ZNF814: variants seen among roughly 807,000 people sequenced by gnomAD.
The protein encoded by ZNF814 is zinc finger protein 814.
Under a neutral mutation model 7.5 loss-of-function variants are expected in ZNF814, and 5 were observed. The ratio of observed to expected loss-of-function variants is 0.67; its 90% CI spans 0.35 to 1.40. The LOEUF (loss-of-function observed/expected upper bound fraction) is 1.40. Among genes scored for constraint, ZNF814 ranks in the 40% most tolerant of loss-of-function variants. The probability of loss-of-function intolerance (pLI) is 0.04; values close to 1 mark genes in which losing one functional copy is unlikely to be tolerated. For synonymous variants in ZNF814, 315 were observed against 340.7 expected, an observed-to-expected ratio of 0.92 and a Z score of 0.83; for missense variants, 962 against 1,018.0, an observed-to-expected ratio of 0.94 and a Z score of 0.75.
At chr19:57,888,696 C>T (rs1169836573) in intron 1 of ZNF814, 71 bp downstream of exon 1, 3 of 1,532,662 alleles carry the variant, frequency 2.0e-6, no homozygotes, top group Non-Finnish European at 2.7e-6. Flanking sequence ...GAGCCGTGAA[C>T]AGGCGCTGCT....
In ZNF814 at chr19:57,873,019, T is replaced by G; in HGVS notation, c.2371A>C (p.Lys791Gln). ...FAESSSFTKH[K>Q]RVHTGEKPYE... ...GGCTTTTCTCCAGTGTGAACTCTTT[T>G]GTGTTTTGTGAAACTGGAGCTTTCA... is the stretch of plus-strand genomic sequence containing the variant. The change falls in exon 3 of 3, where the codon AAA (lysine) becomes CAA (glutamine). Residue 791 changes from lysine (K) to glutamine (Q), a missense_variant. Physicochemically the swap from Lys to Gln is moderately conservative, Grantham distance 53 (BLOSUM62 1). Transcript: ENST00000435989. The G allele has an allele frequency of 6.2e-7, 1 of 1,613,728 alleles. No individual in the cohort carries two copies. The highest frequency in any genetic ancestry group is 8.5e-7 in the Non-Finnish European group (1 of 1,179,840).
rs1446027187 is a variant in ZNF814 at position 57,873,480 on chromosome 19, C to A, written c.1910G>T (p.Cys637Phe). The change falls in exon 3 of 3, where the codon TGT (cysteine) becomes TTT (phenylalanine). Residue 637 changes from cysteine (C) to phenylalanine (F), a missense_variant. By Grantham distance (205) the Cys-to-Phe change is radical (BLOSUM62 -2). This residue lies in a region of ZNF814 where 665 missense variants were observed against 551.4 expected (regional missense o/e 1.21). Transcript: ENST00000435989. ...TGERPYKCGD[C>F]GKSFNEKGHL... Reference sequence around the variant, plus strand: ...TCCTTTTTCATTAAAAGATTTCCCACAGTCTCCACACTTGTAAGGTCTTTC... The same window carrying A: ...TCCTTTTTCATTAAAAGATTTCCCAAAGTCTCCACACTTGTAAGGTCTTTC... The A allele has an allele frequency of 1.2e-6, 2 of 1,614,062 alleles. No homozygotes were observed. Among genetic ancestry groups the A allele is most frequent in the African/African-American group, 2.7e-5 (2 of 74,924 alleles).
rs188401331 is a variant in ZNF814 at position 57,870,276 on chromosome 19, A to T, written c.*2546T>A. 1.3e-5 allele frequency: 2 copies of T among 152,314 alleles called. No homozygotes were observed. Among genetic ancestry groups the T allele is most frequent in the East Asian group, 1.9e-4 (1 of 5,186 alleles). The allele number at this position is 152,314 out of a possible 1,614,324, so 9.4% of individuals were successfully genotyped here. On this transcript the variant is annotated 3_prime_UTR_variant, in exon 3 of 3. Coordinates refer to ENST00000435989, the MANE Select transcript of ZNF814 (RefSeq NM_001144989.2). ...ATAATAATAATAATTAAAAAAATGC[A>T]GTTCAAAAGAAAAATATAGATTTAC...
chr19:57,882,984 A>G (rs1423858142), intron 1 of ZNF814, among the ~76,000 whole-genome samples: 1 of 152,248 alleles, frequency 6.6e-6, no homozygotes, highest in Non-Finnish European at 1.5e-5. Context: ...CAAGATAGCT[A>G]TTTTGAGGAA....
chr19:57,877,373 T>C (rs1263327771), intron 1 of ZNF814, among the ~76,000 whole-genome samples: 1 of 152,176 alleles, frequency 6.6e-6, no homozygotes, highest in Non-Finnish European at 1.5e-5. Context: ...GTACATTCCA[T>C]GTCCATCCCC....
chr19:57,874,746 C>T lies in ZNF814; in HGVS notation c.644G>A (p.Ser215Asn), dbSNP rs775899545. 6.2e-7 allele frequency: 1 copy of T among 1,612,158 alleles called. No homozygotes were observed. Among genetic ancestry groups the T allele is most frequent in the Non-Finnish European group, 8.5e-7 (1 of 1,179,002 alleles). The change falls in exon 3 of 3, where the codon AGC (serine) becomes AAC (asparagine). Residue 215 changes from serine to asparagine, a missense_variant. Ser to Asn is a conservative substitution (Grantham distance 46). Around this residue, in one of 7 missense-constraint regions of ZNF814, gnomAD observed 126 missense variants for 123.5 expected, o/e 1.02. Transcript: ENST00000435989. ...AAAATGTTTCATGGATTCTCCACAG[C>T]TGTAGTGAGCTCCCCCACACTGAAT... ...SPIQCGGAHY[S>N]CGESMKHFST... is the part of the protein sequence containing the mutation.
the ZNF814 span, among the ~76,000 whole-genome samples, chr19:57,902,746 T>C: frequency 2.0e-5 from 3 of 151,938 alleles, no homozygotes; most frequent in Non-Finnish European, 2.9e-5. Flanking sequence ...CTGCACGCTC[T>C]GCCTCCCTGG....
chr19:57,878,910 C>T (rs892472807), intron 1 of ZNF814, among the ~76,000 whole-genome samples: 1 of 151,508 alleles, frequency 6.6e-6, no homozygotes, highest in Non-Finnish European at 1.5e-5. Context: ...TACATACATG[C>T]ACACACACAC....
In ZNF814 at chr19:57,873,706, T is replaced by A. The variant is rs1163304580; in HGVS notation, c.1684A>T (p.Thr562Ser). ...ECGKSFSHKG[T>S]LILHQRVHPR... Reference sequence around the variant, plus strand: ...TGAACTCGCTGATGTAGAATGAGGGTGCCTTTATGACTAAAAGATTTCCCA... The same window carrying A: ...TGAACTCGCTGATGTAGAATGAGGGAGCCTTTATGACTAAAAGATTTCCCA... The change falls in exon 3 of 3, where the codon ACC becomes TCC. Residue 562 changes from threonine to serine, a missense_variant. This residue lies in a region of ZNF814 where 665 missense variants were observed against 551.4 expected (regional missense o/e 1.21). Transcript: ENST00000435989. 2 of 1,613,270 alleles carry A rather than the reference T, an allele frequency of 1.2e-6. No individual in the cohort carries two copies. The highest frequency in any genetic ancestry group is 1.7e-6 in the Non-Finnish European group (2 of 1,179,716).
chr19:57,884,793 C>T (rs577431064), intron 1 of ZNF814, among the ~76,000 whole-genome samples: 2 of 152,256 alleles, frequency 1.3e-5, no homozygotes, highest in South Asian at 4.1e-4. Flanking sequence ...AAGGACCTCT[C>T]GTACACTGTT....
At chr19:57,875,356 A>G in intron 2 of ZNF814, 130 bp from the exon 3 acceptor site, 4 of 1,585,382 alleles carry the variant, frequency 2.5e-6, no homozygotes, top group Admixed American at 1.8e-5. Context: ...TGTTGGCTTC[A>G]GGCGGAAGAT....
upstream of ZNF814, among the ~76,000 whole-genome samples, chr19:57,891,915 G>A (rs569760708): frequency 1.4e-4 from 21 of 152,032 alleles, no homozygotes; most frequent in Admixed American, 5.2e-4. Flanking sequence ...CACTATGCCC[G>A]GCTAACTTTT....
upstream of ZNF814, among the ~76,000 whole-genome samples, chr19:57,889,890 A>C (rs7247757): frequency 6.6e-6 from 1 of 152,050 alleles, no homozygotes; most frequent in African/African-American, 2.4e-5. Flanking sequence ...TAAAAATAAA[A>C]AAATAAATAA....
Position 57,869,905 on chromosome 19 carries a change from A to AC in ZNF814, c.*2916dup, listed in dbSNP as rs2071541839. On this transcript the variant is annotated 3_prime_UTR_variant, in exon 3 of 3. Transcript: ENST00000435989. ...GGTTGCAATGAGCCAAGGTCATGCC[A>AC]CTGCACTCCAGCCTGGCTGACAGTG... The AC allele has an allele frequency of 6.8e-6, 1 of 148,048 alleles. No homozygotes were observed. Among genetic ancestry groups the AC allele is most frequent in the East Asian group, 2.0e-4 (1 of 5,082 alleles). 9.2% of individuals were successfully genotyped at this position (148,048 alleles called of 1,614,324 possible).
chr19:57,899,638 G>A, the ZNF814 span, among the ~76,000 whole-genome samples: 1 of 152,144 alleles, frequency 6.6e-6, no homozygotes, highest in Non-Finnish European at 1.5e-5. Context: ...CCTGTCCAAA[G>A]AGGCATTAGG....
chr19:57,880,065 C>T (rs532883655), intron 1 of ZNF814, among the ~76,000 whole-genome samples: 353 of 118,970 alleles, frequency 3.0e-3, no homozygotes, highest in Non-Finnish European at 5.0e-3. Context: ...CTACTGCACT[C>T]CAGCCTGGTG....
intron 1 of ZNF814, among the ~76,000 whole-genome samples, chr19:57,887,299 G>C (rs1427134675): frequency 6.6e-6 from 1 of 152,194 alleles, no homozygotes; most frequent in Non-Finnish European, 1.5e-5. Flanking sequence ...AACTGTAAAA[G>C]ATTAGGCCTT....
chr19:57,883,089 TGGC>T (rs2071661197), intron 1 of ZNF814, among the ~76,000 whole-genome samples: 1 of 151,994 alleles, frequency 6.6e-6, no homozygotes, highest in African/African-American at 2.4e-5. Flanking sequence ...CCGGGTGTGG[TGGC>T]TCACACCTGT....
In ZNF814 at chr19:57,874,004, T is replaced by C; in HGVS notation, c.1386A>G (p.Arg462=). Residue 462 remains arginine (R), a synonymous_variant, in exon 3 of 3, where the codon AGA becomes AGG. Coordinates refer to ENST00000435989, the MANE Select transcript of ZNF814 (RefSeq NM_001144989.2). The part of the protein sequence containing the change: ...RSHQRVHAGE[R]PFKCGECVKS... ...TCACACATTCTCCACACTTGAAAGG[T>C]CTTTCTCCGGCGTGAACTCGTTGAT... The C allele has an allele frequency of 6.2e-7, 1 of 1,613,948 alleles. No individual in the cohort carries two copies. Among genetic ancestry groups the C allele is most frequent in the South Asian group, 1.1e-5 (1 of 91,056 alleles).
Sources: allele counts gnomAD v4.1 joint callset (sites outside exome capture counted in the v4.1 genomes callset), GRCh38; gene constraint gnomAD v4.1.1; regional missense constraint gnomAD v4.1.1; transcripts MANE v1.5; gene names NCBI Gene and HGNC (gene_info 2026-07-23, HGNC 2026-07-21).